JMJD1C: variants seen among roughly 807,000 people sequenced by gnomAD.
JMJD1C encodes the protein jumonji domain containing 1C.
JMJD1C carries 31 observed loss-of-function variants against 245.3 expected under a neutral mutation model. The ratio of observed to expected loss-of-function variants is 0.13; its 90% CI spans 0.09 to 0.17. The LOEUF (loss-of-function observed/expected upper bound fraction) is 0.17. Ranked by LOEUF, JMJD1C falls within the 10% of genes least tolerant of loss-of-function variation. The pLI is 1.00. For missense variants in JMJD1C, 2,691 were observed against 3,000.2 expected (o/e 0.90, Z 2.41); for synonymous variants, 1,057 against 1,017.4 (o/e 1.04, Z -0.74).
intron 1 of JMJD1C, among the ~76,000 whole-genome samples, chr10:63,411,392 G>A (rs540629827): frequency 2.3e-4 from 35 of 150,490 alleles, no homozygotes; most frequent in African/African-American, 7.8e-4. Context: ...TCCGCCTCCC[G>A]GGGTCAAGCG....
At chr10:63,406,440 T>C (rs965687983) in intron 1 of JMJD1C, among the ~76,000 whole-genome samples, 26 of 152,104 alleles carry the variant, frequency 1.7e-4, no homozygotes, top group African/African-American at 6.3e-4. Context: ...AGTGTAAAAG[T>C]TTAATAATCC....
Position 63,207,904 on chromosome 10 carries a change from G to A in JMJD1C, c.3765C>T (p.Pro1255=), listed in dbSNP as rs1245334320. ...QESQKPPTLI[P]EPKDSQANFK... is the part of the protein sequence containing the mutation. The stretch of plus-strand genomic sequence containing the variant: ...AATTTGCCTGGGAGTCTTTTGGTTC[G>A]GGTATTAGAGTTGGAGGCTTCTGTG... Residue 1255 remains proline (P), a synonymous_variant, in exon 10 of 26, where the codon CCC becomes CCT. Transcript: ENST00000399262. The A allele has an allele frequency of 8.7e-6, 14 of 1,614,066 alleles. No individual in the cohort carries two copies. The highest frequency in any genetic ancestry group is 1.6e-4 in the Middle Eastern group (1 of 6,062).
Position 63,206,826 on chromosome 10 carries a change from T to G in JMJD1C, c.4843A>C (p.Arg1615=), listed in dbSNP as rs1846680996. 4.4e-6 allele frequency: 7 copies of G among 1,600,590 alleles called. No homozygotes were observed. Among genetic ancestry groups the G allele is most frequent in the East Asian group, 4.5e-5 (2 of 44,816 alleles). ...DKYVKDDKVN[R]RKAKRTYESG... Reference sequence around the variant, plus strand: ...TCATAAGTTCTTTTGGCTTTTCTCCTGTTGACTTTATCATCTTTTACATAT... The same window carrying G: ...TCATAAGTTCTTTTGGCTTTTCTCCGGTTGACTTTATCATCTTTTACATAT... Residue 1615 remains arginine, a synonymous_variant, in exon 10 of 26, where the codon AGG becomes CGG. Coordinates refer to ENST00000399262, the MANE Select transcript of JMJD1C (RefSeq NM_032776.3).
rs912409414 is a variant in JMJD1C, at chr10:63,307,655, G to A, written c.334-42891C>T. ...AAGACTGGCACTGGGGGCTAAGGAA[G>A]TAGAGGGCTAAAAAGCAAAGAGGAT... On this transcript the variant is annotated intron_variant, in intron 2 of 25. Transcript: ENST00000399262. 6.8e-4 allele frequency among the ~76,000 whole-genome samples: 104 copies of A among 152,104 alleles called. 1 individual carries two copies. The highest frequency in any genetic ancestry group is 7.4e-5 in the Non-Finnish European group (5 of 68,000).
At chr10:63,497,250 C>T (rs1356099790) in intron 1 of JMJD1C, among the ~76,000 whole-genome samples, 1 of 151,768 alleles carries the variant, frequency 6.6e-6, no homozygotes, top group African/African-American at 2.4e-5. Context: ...CAGCATTATT[C>T]GTAACAGCCA....
At chr10:63,308,535 C>T (rs1169743214) in intron 2 of JMJD1C, among the ~76,000 whole-genome samples, 1 of 149,592 alleles carries the variant, frequency 6.7e-6, no homozygotes, top group East Asian at 2.0e-4. Context: ...GACTCTAAAA[C>T]ATTAACAAAA....
chr10:63,197,969 T>C (rs1270879065), intron 12 of JMJD1C, among the ~76,000 whole-genome samples: 1 of 152,202 alleles, frequency 6.6e-6, no homozygotes, highest in African/African-American at 2.4e-5. Context: ...AAGTGTCCCC[T>C]GAGGGGCAAA....
Position 63,213,727 on chromosome 10 carries a change from G to T in JMJD1C, c.2440C>A (p.Arg814=). ...CTGCTGGCATGAGCACTCTCTAGTCGTGGGTGGCCACCAAGTAAGGAGGCA... is the reference window on the plus strand; with the variant it reads ...CTGCTGGCATGAGCACTCTCTAGTCTTGGGTGGCCACCAAGTAAGGAGGCA... The part of the protein sequence containing the change: ...PTASLLGGHP[R]LESAHASSLS... Residue 814 remains arginine (R), a synonymous_variant, in exon 8 of 26, where the codon CGA becomes AGA. Coordinates refer to ENST00000399262, the MANE Select transcript of JMJD1C (RefSeq NM_032776.3). The T allele has an allele frequency of 6.2e-7, 1 of 1,614,166 alleles. No homozygotes were observed. The highest frequency in any genetic ancestry group is 8.5e-7 in the Non-Finnish European group (1 of 1,180,004).
chr10:63,512,284 C>G (rs1954893759), intron 1 of JMJD1C, among the ~76,000 whole-genome samples: 1 of 146,546 alleles, frequency 6.8e-6, no homozygotes, highest in Non-Finnish European at 1.5e-5. Context: ...TTCCTTCTCT[C>G]TGAACTTTTT....
intron 1 of JMJD1C, among the ~76,000 whole-genome samples, chr10:63,383,809 C>T (rs1947388779): frequency 6.6e-6 from 1 of 152,132 alleles, no homozygotes. Flanking sequence ...ATCTTTTTGC[C>T]GATAAAGTGC....
intron 2 of JMJD1C, among the ~76,000 whole-genome samples, chr10:63,351,080 CTT>C (rs998025835): frequency 1.8e-4 from 24 of 131,032 alleles, no homozygotes; most frequent in East Asian, 2.2e-4. Flanking sequence ...AGAAATTTTT[CTT>C]TTTTTTTTTT....
intron 2 of JMJD1C, among the ~76,000 whole-genome samples, chr10:63,316,280 A>ACTTCTATCTAG (rs1488726059): frequency 6.6e-6 from 1 of 152,142 alleles, no homozygotes; most frequent in Non-Finnish European, 1.5e-5. Flanking sequence ...GTACGCAGTA[A>ACTTCTATCTAG]TTTTCATATC....
chr10:63,198,476 A>C, intron 12 of JMJD1C, 37 bp downstream of exon 12: 3 of 1,242,420 alleles, frequency 2.4e-6, no homozygotes, highest in Non-Finnish European at 3.4e-6. Context: ...TCTTAAAATG[A>C]AATTTGTGCA....
chr10:63,291,614 T>TAAAAAA (rs10650646), intron 2 of JMJD1C, among the ~76,000 whole-genome samples: 1 of 142,970 alleles, frequency 7.0e-6, no homozygotes, highest in Non-Finnish European at 1.5e-5. Context: ...AAACTCCATC[T>TAAAAAA]AAAAAAAAAA....
chr10:63,361,298 C>G (rs1945302290), intron 2 of JMJD1C, among the ~76,000 whole-genome samples: 1 of 152,068 alleles, frequency 6.6e-6, no homozygotes, highest in Admixed American at 6.6e-5. Flanking sequence ...TGGCGCATGC[C>G]CGTAATCCCA....
intron 1 of JMJD1C, among the ~76,000 whole-genome samples, chr10:63,499,190 T>C (rs565343523): frequency 6.6e-5 from 10 of 152,340 alleles, no homozygotes; most frequent in East Asian, 1.9e-4. Context: ...GGAGTGCTAA[T>C]GTCTCTTCAA....
chr10:63,440,353 A>AAT (rs56068128), intron 1 of JMJD1C, among the ~76,000 whole-genome samples: 6,785 of 120,010 alleles, frequency 0.057, 332 homozygotes, highest in African/African-American at 0.13. Flanking sequence ...AAAAAAAAAA[A>AAT]ATATATATAT....
chr10:63,417,446 C>T (rs539228931), intron 1 of JMJD1C, among the ~76,000 whole-genome samples: 1 of 152,226 alleles, frequency 6.6e-6, no homozygotes, highest in African/African-American at 2.4e-5. Context: ...TTAAAATATG[C>T]CCCTTTTTAT....
chr10:63,206,886 G>C lies in JMJD1C; in HGVS notation c.4783C>G (p.Gln1595Glu). ...ATGATCTTACTATCTACACTATTTTGTATATCACTAGATGTAGAGGCTATT... is the reference window on the plus strand; with the variant it reads ...ATGATCTTACTATCTACACTATTTTCTATATCACTAGATGTAGAGGCTATT... ...NLIASTSSDI[Q>E]NSVDSKIIVD... The change falls in exon 10 of 26, where the codon CAA (glutamine) becomes GAA (glutamate). Residue 1595 changes from glutamine to glutamate, a missense_variant. Physicochemically the swap from Gln to Glu is conservative, Grantham distance 29 (BLOSUM62 2). Transcript: ENST00000399262. The C allele has an allele frequency of 6.2e-7, 1 of 1,607,938 alleles. No individual in the cohort carries two copies. The highest frequency in any genetic ancestry group is 1.3e-5 in the African/African-American group (1 of 74,742).
Sources: gnomAD v4.1 joint callset for allele counts (sites outside exome capture counted in the v4.1 genomes callset) on GRCh38, gnomAD v4.1.1 for gene constraint, MANE v1.5 for transcripts, NCBI Gene and HGNC (gene_info 2026-07-23, HGNC 2026-07-21) for gene names.